CDH12: variants seen among roughly 807,000 people sequenced by gnomAD.
The protein encoded by CDH12 is cadherin 12, also known as cadherin-12.
In CDH12, 41 loss-of-function variants were observed where a neutral mutation model predicts 74.1. That is an observed-to-expected ratio of 0.55 (90% CI 0.43 to 0.72). CDH12 has a LOEUF of 0.72. CDH12 is among the 30% of genes least tolerant of loss of function. The probability of loss-of-function intolerance (pLI) is 0.00; values close to 1 mark genes in which losing one functional copy is unlikely to be tolerated. For synonymous variants in CDH12, 399 were observed against 355.0 expected (o/e 1.12, Z -1.39); for missense variants, 945 against 977.2 (o/e 0.97, Z 0.44).
intron 3 of CDH12, among the ~76,000 whole-genome samples, chr5:22,344,710 C>T (rs1350396734): frequency 3.9e-5 from 6 of 152,082 alleles, no homozygotes; most frequent in Non-Finnish European, 1.5e-5. Flanking sequence ...AATTAAAAAG[C>T]ATGAAAGCAA....
At chr5:22,265,701 G>A (rs1398193091) in intron 3 of CDH12, among the ~76,000 whole-genome samples, 9 of 152,096 alleles carry the variant, frequency 5.9e-5, no homozygotes. Flanking sequence ...TAGTACTGAA[G>A]TAGAAATTAA....
intron 10 of CDH12, among the ~76,000 whole-genome samples, chr5:21,796,623 G>A (rs1227849389): frequency 6.6e-6 from 1 of 150,968 alleles, no homozygotes; most frequent in East Asian, 1.9e-4. Flanking sequence ...CTTTTGACAT[G>A]GATTAAAATT....
chr5:22,162,535 G>A (rs2150320166), intron 4 of CDH12, among the ~76,000 whole-genome samples: 1 of 152,324 alleles, frequency 6.6e-6, no homozygotes, highest in East Asian at 1.9e-4. Flanking sequence ...CAATGCCAAA[G>A]TGTTGACCAG....
intron 2 of CDH12, among the ~76,000 whole-genome samples, chr5:22,453,809 G>A (rs571592709): frequency 1.3e-5 from 2 of 152,020 alleles, no homozygotes; most frequent in East Asian, 1.9e-4. Context: ...ATCATTACAC[G>A]ATGTATACAT....
intron 1 of CDH12, among the ~76,000 whole-genome samples, chr5:22,515,508 T>C (rs1395500935): frequency 1.3e-5 from 2 of 152,088 alleles, no homozygotes; most frequent in African/African-American, 4.8e-5. Context: ...TAATTCTACA[T>C]AGTTGACATT....
intron 6 of CDH12, among the ~76,000 whole-genome samples, chr5:21,894,461 T>C (rs1201884257): frequency 3.3e-5 from 5 of 149,880 alleles, no homozygotes; most frequent in Non-Finnish European, 3.0e-5. Context: ...TGATTACAAA[T>C]ATACAAATGT....
intron 3 of CDH12, among the ~76,000 whole-genome samples, chr5:22,235,433 T>C (rs1425715966): frequency 6.6e-6 from 1 of 151,950 alleles, no homozygotes; most frequent in Non-Finnish European, 1.5e-5. Flanking sequence ...CTATAAAAAA[T>C]TAGGCAGGCG....
At chr5:21,880,564 C>CCCTTCT (rs1561268045) in intron 6 of CDH12, among the ~76,000 whole-genome samples, 14 of 14,522 alleles carry the variant, frequency 9.6e-4, no homozygotes, top group African/African-American at 1.7e-3. Flanking sequence ...CCTTCCTTCC[C>CCCTTCT]TTCTTTCTTT....
chr5:22,304,806 G>A (rs866485720), intron 3 of CDH12, among the ~76,000 whole-genome samples: 1 of 152,114 alleles, frequency 6.6e-6, no homozygotes, highest in Non-Finnish European at 1.5e-5. Flanking sequence ...ATCATAACCA[G>A]GCAATTGGGA....
intron 2 of CDH12, among the ~76,000 whole-genome samples, chr5:22,452,747 C>G (rs1394414884): frequency 6.6e-6 from 1 of 151,344 alleles, no homozygotes; most frequent in Non-Finnish European, 1.5e-5. Context: ...TAAAAACCTT[C>G]TGCACAACAG....
chr5:22,352,735 A>G (rs1740407245), intron 3 of CDH12, among the ~76,000 whole-genome samples: 2 of 152,206 alleles, frequency 1.3e-5, no homozygotes. Context: ...TCTTTGAAAT[A>G]GTTAAGTGAT....
rs542563070 is a variant in CDH12 at position 22,105,295 on chromosome 5, A to G, written c.-186-26433T>C. Among the ~76,000 whole-genome samples, 26 of 151,196 alleles carry G rather than the reference A, an allele frequency of 1.7e-4. 1 individual carries two copies. The South Asian group carries it at 3.6e-3, about 21-fold the overall frequency. On this transcript the variant is annotated intron_variant, in intron 4 of 14. Transcript: ENST00000382254. ...TTTTCAGTAGAGATAGGGTTTCACC[A>G]TGTTGGCCAGGATGGTCTTGATCTC... is the stretch of plus-strand genomic sequence containing the variant.
chr5:22,063,194 AT>A (rs1424776679), intron 5 of CDH12, among the ~76,000 whole-genome samples: 8 of 152,004 alleles, frequency 5.3e-5, no homozygotes, highest in Admixed American at 4.6e-4. Context: ...TGTCTTTCTT[AT>A]TTTTTTCTAA....
At chr5:22,753,904 C>A (rs540671467) in intron 1 of CDH12, among the ~76,000 whole-genome samples, 1 of 152,126 alleles carries the variant, frequency 6.6e-6, no homozygotes, top group Non-Finnish European at 1.5e-5. Flanking sequence ...TATCTAACTT[C>A]TGTTGCAATT....
intron 1 of CDH12, among the ~76,000 whole-genome samples, chr5:22,546,767 A>G (rs1738350911): frequency 6.6e-6 from 1 of 152,156 alleles, no homozygotes; most frequent in African/African-American, 2.4e-5. Context: ...CACAATAAAA[A>G]AATACATTGA....
chr5:22,620,512 T>G (rs932045435), intron 1 of CDH12, among the ~76,000 whole-genome samples: 3 of 151,760 alleles, frequency 2.0e-5, no homozygotes, highest in Admixed American at 2.0e-4. Flanking sequence ...CTCTGACCAA[T>G]TGTTTGAGCA....
chr5:22,169,612 G>A (rs1641802300), intron 4 of CDH12, among the ~76,000 whole-genome samples: 1 of 151,864 alleles, frequency 6.6e-6, no homozygotes, highest in African/African-American at 2.4e-5. Flanking sequence ...TTACACCCAT[G>A]ATAGACATTA....
chr5:21,872,044 G>C (rs1489452841), intron 6 of CDH12, among the ~76,000 whole-genome samples: 1 of 152,068 alleles, frequency 6.6e-6, no homozygotes. Flanking sequence ...CCTTTAAGAT[G>C]GACTAGAAAA....
At chr5:22,532,555 G>C (rs1347335921) in intron 1 of CDH12, among the ~76,000 whole-genome samples, 1 of 150,828 alleles carries the variant, frequency 6.6e-6, no homozygotes, top group Non-Finnish European at 1.5e-5. Context: ...ATCTAACCCT[G>C]CTAATTTAAA....
Sources: allele counts gnomAD v4.1 joint callset (sites outside exome capture counted in the v4.1 genomes callset), GRCh38; gene constraint gnomAD v4.1.1; transcripts MANE v1.5; gene names NCBI Gene and HGNC (gene_info 2026-07-23, HGNC 2026-07-21).